IPO11: variants seen among roughly 807,000 people sequenced by gnomAD.
IPO11 encodes importin 11.
In IPO11, 66 loss-of-function variants were observed where a neutral mutation model predicts 143.2. The ratio of observed to expected loss-of-function variants is 0.46; its 90% CI spans 0.38 to 0.57. IPO11 has a LOEUF of 0.57. Ranked by LOEUF, IPO11 falls within the 20% of genes least tolerant of loss-of-function variation. The pLI is 0.00. For missense variants in IPO11, 1,026 were observed against 1,141.0 expected, an observed-to-expected ratio of 0.90 and a Z score of 1.45; for synonymous variants, 385 against 377.8, an observed-to-expected ratio of 1.02 and a Z score of -0.22.
At chr5:62,595,537 G>A (rs371456797) in intron 28 of IPO11, among the ~76,000 whole-genome samples, 2 of 152,024 alleles carry the variant, frequency 1.3e-5, no homozygotes, top group African/African-American at 4.8e-5. Flanking sequence ...ATGGAAATGG[G>A]CTTTTATTTT....
rs147861275 is a variant in IPO11 at position 62,455,644 on chromosome 5, C to T, written c.516+3711C>T. On this transcript the variant is annotated intron_variant, in intron 5 of 29. Coordinates refer to ENST00000325324, the MANE Select transcript of IPO11 (RefSeq NM_016338.5). ...GCCTCAACAATTGTTATAACCTTTCCTCCTCTGTGTTAAAATAAGTTCTTT... is the reference window on the plus strand; with the variant it reads ...GCCTCAACAATTGTTATAACCTTTCTTCCTCTGTGTTAAAATAAGTTCTTT... 1.0e-3 allele frequency among the ~76,000 whole-genome samples: 153 copies of T among 152,288 alleles called. 1 individual carries two copies. Among genetic ancestry groups the T allele is most frequent in the African/African-American group, 3.7e-3 (153 of 41,556 alleles).
intron 26 of IPO11, 60 bp from the exon 27 acceptor site, chr5:62,561,076 A>G (rs1455011720): frequency 6.2e-6 from 9 of 1,461,834 alleles, no homozygotes; most frequent in Middle Eastern, 1.8e-4. Flanking sequence ...CTTTAAAAGT[A>G]TTTACCCACA....
chr5:62,546,166 C>G (rs1358772865), intron 24 of IPO11, among the ~76,000 whole-genome samples: 1 of 152,084 alleles, frequency 6.6e-6, no homozygotes, highest in African/African-American at 2.4e-5. Context: ...TATTGCAGCA[C>G]TATTCACAAT....
At chr5:62,573,913 G>C (rs1347382914) in intron 27 of IPO11, among the ~76,000 whole-genome samples, 1 of 152,144 alleles carries the variant, frequency 6.6e-6, no homozygotes, top group Non-Finnish European at 1.5e-5. Context: ...GGTTATTTAG[G>C]TTAATCCTTA....
chr5:62,581,025 C>T (rs1170010006), intron 27 of IPO11: 2 of 1,551,084 alleles, frequency 1.3e-6, no homozygotes, highest in South Asian at 1.2e-5. Context: ...AGGCTTTTGA[C>T]ATTTTGCTAG....
At chr5:62,540,472 A>C (rs1352470022) in intron 24 of IPO11, among the ~76,000 whole-genome samples, 1 of 152,234 alleles carries the variant, frequency 6.6e-6, no homozygotes, top group East Asian at 1.9e-4. Flanking sequence ...CTTTTCTGCA[A>C]CAATATTGTT....
chr5:62,493,865 G>A (rs1463860672), intron 15 of IPO11, 133 bp from the exon 16 acceptor site: 8 of 833,088 alleles, frequency 9.6e-6, no homozygotes, highest in Non-Finnish European at 1.4e-5. Context: ...CAGCACACCT[G>A]CTTTTAAGCT....
intron 26 of IPO11, among the ~76,000 whole-genome samples, chr5:62,551,679 T>C (rs757306731): frequency 1.3e-5 from 2 of 152,250 alleles, no homozygotes; most frequent in Non-Finnish European, 1.5e-5. Flanking sequence ...ATTACTTCTT[T>C]AGTTAACTTA....
intron 29 of IPO11, among the ~76,000 whole-genome samples, chr5:62,605,922 G>C (rs374478308): frequency 6.6e-6 from 1 of 151,828 alleles, no homozygotes. Flanking sequence ...GTAGAGACAG[G>C]GTCCCACTTT....
intron 9 of IPO11, among the ~76,000 whole-genome samples, chr5:62,479,149 A>G (rs925804723): frequency 6.6e-6 from 1 of 151,852 alleles, no homozygotes; most frequent in Non-Finnish European, 1.5e-5. Flanking sequence ...AAGTGTTCTC[A>G]TTGTTCGATT....
At chr5:62,442,515 A>G (rs2112143178) in intron 2 of IPO11, among the ~76,000 whole-genome samples, 1 of 152,352 alleles carries the variant, frequency 6.6e-6, no homozygotes, top group South Asian at 2.1e-4. Flanking sequence ...TATACTTCAT[A>G]AATATCGATA....
Position 62,504,667 on chromosome 5 carries a change from G to T in IPO11, c.1591G>T (p.Val531Phe). Residue 531 changes from valine (V) to phenylalanine (F), a missense_variant and splice_region_variant, in exon 17 of 30, where the codon GTC becomes TTC. By Grantham distance (50) the Val-to-Phe change is conservative. Transcript: ENST00000325324. Reference protein sequence around the residue: ...CNLLQDQDLVVRIETATTLKL... With the variant: ...CNLLQDQDLVFRIETATTLKL... ...AAACTAATGATATACTTTCTTTTAG[G>T]TCCGTATTGAAACAGCTACAACTTT... 2 of 1,463,580 alleles carry T rather than the reference G, an allele frequency of 1.4e-6. No individual in the cohort carries two copies. Among genetic ancestry groups the T allele is most frequent in the Non-Finnish European group, 1.9e-6 (2 of 1,068,432 alleles). The allele number at this position is 1,463,580 out of a possible 1,614,324, so 90.7% of individuals were successfully genotyped here. A position where few individuals can be genotyped will look rare whatever the true frequency, so the allele number is the denominator to read the frequency against.
chr5:62,449,973 A>C lies in IPO11; in HGVS notation c.286A>C (p.Thr96Pro). 6.2e-7 allele frequency: 1 copy of C among 1,600,134 alleles called. No homozygotes were observed. Among genetic ancestry groups the C allele is most frequent in the Non-Finnish European group, 8.5e-7 (1 of 1,174,574 alleles). ...AACTACTCTGCGTGCAGGGCTCATC[A>C]CCAACTTCAATGAACCAATAAACCA... Reference protein sequence around the residue: ...EKTTLRAGLITNFNEPINQIA... With the variant: ...EKTTLRAGLIPNFNEPINQIA... Residue 96 changes from threonine (T) to proline (P), a missense_variant, in exon 4 of 30, where the codon ACC becomes CCC. By Grantham distance (38) the Thr-to-Pro change is conservative (BLOSUM62 -1). Transcript: ENST00000325324.
At chr5:62,579,554 G>A in intron 27 of IPO11, 1 of 1,551,088 alleles carries the variant, frequency 6.4e-7, no homozygotes, top group Admixed American at 2.0e-5. Context: ...TGTCAGCTCT[G>A]CACTGGGAGA....
chr5:62,598,562 T>C (rs1385207080), intron 28 of IPO11, among the ~76,000 whole-genome samples: 7 of 41,458 alleles, frequency 1.7e-4, no homozygotes, highest in African/African-American at 8.9e-4. Flanking sequence ...TCTTTTTTTT[T>C]TTTATGGAGT....
At chr5:62,539,084 G>C (rs770645904) in intron 24 of IPO11, among the ~76,000 whole-genome samples, 16 of 152,206 alleles carry the variant, frequency 1.1e-4, no homozygotes, top group Non-Finnish European at 2.1e-4. Context: ...AAGGAGATCA[G>C]TAAGGACTGT....
intron 22 of IPO11, among the ~76,000 whole-genome samples, chr5:62,531,683 T>A (rs747950418): frequency 1.3e-5 from 2 of 152,154 alleles, no homozygotes; most frequent in Admixed American, 6.5e-5. Context: ...TACCAGCAAA[T>A]GTGGACTAAA....
In IPO11 at chr5:62,484,304, G is replaced by A. The variant is rs1294453302; in HGVS notation, c.1174+142G>A. The A allele has an allele frequency of 3.7e-5, 23 of 625,252 alleles. 2 individuals carry two copies. In the South Asian group the frequency reaches 6.1e-4, roughly 17 times the overall value. 38.7% of individuals were successfully genotyped at this position (625,252 alleles called of 1,614,324 possible). On this transcript the variant is annotated intron_variant, in intron 11 of 29. Coordinates refer to ENST00000325324, the MANE Select transcript of IPO11 (RefSeq NM_016338.5). ...TGTTTTAAAATTAACTTACTCTTTCGTTGTTATCCATTAGAACAAATTGAG... is the reference window on the plus strand; with the variant it reads ...TGTTTTAAAATTAACTTACTCTTTCATTGTTATCCATTAGAACAAATTGAG...
chr5:62,525,366 T>G (rs890515312), intron 20 of IPO11, among the ~76,000 whole-genome samples: 109 of 148,568 alleles, frequency 7.3e-4, no homozygotes, highest in Admixed American at 2.4e-3. Flanking sequence ...CTTTTTTTTT[T>G]TTTGTGTGTG....
Sources: gnomAD v4.1 joint callset for allele counts (sites outside exome capture counted in the v4.1 genomes callset) on GRCh38, gnomAD v4.1.1 for gene constraint, MANE v1.5 for transcripts, NCBI Gene and HGNC (gene_info 2026-07-23, HGNC 2026-07-21) for gene names.